Variants in TRAPPC11 observed in about 807,000 individuals in gnomAD.
The protein encoded by TRAPPC11 is foie gras homolog.
TRAPPC11 carries 104 observed loss-of-function variants against 151.2 expected under a neutral mutation model. The ratio of observed to expected loss-of-function variants is 0.69; its 90% CI spans 0.59 to 0.81. TRAPPC11 has a LOEUF of 0.81. TRAPPC11 is among the 30% of genes least tolerant of loss of function. The pLI, the probability that TRAPPC11 is intolerant of heterozygous loss-of-function variation, is 0.00. For synonymous variants in TRAPPC11, 456 were observed against 472.3 expected (o/e 0.97, Z 0.45); for missense variants, 1,230 against 1,349.6 (o/e 0.91, Z 1.39).
intron 10 of TRAPPC11, among the ~76,000 whole-genome samples, chr4:183,681,132 G>C (rs1176325233): frequency 1.3e-5 from 2 of 150,978 alleles, no homozygotes; most frequent in Non-Finnish European, 2.9e-5. Flanking sequence ...TAAGAACGTG[G>C]TATATATATA....
intron 8 of TRAPPC11, 130 bp from the exon 9 acceptor site, chr4:183,679,223 T>C: frequency 4.6e-6 from 4 of 869,254 alleles, no homozygotes; most frequent in Non-Finnish European, 4.9e-6. Flanking sequence ...ATTAATTGTA[T>C]TGCAAAGAGC....
intron 1 of TRAPPC11, among the ~76,000 whole-genome samples, chr4:183,663,455 G>T (rs917236240): frequency 6.6e-6 from 1 of 152,052 alleles, no homozygotes; most frequent in African/African-American, 2.4e-5. Flanking sequence ...GGATGGTCTC[G>T]ATCTCCTGAC....
chr4:183,670,794 GT>G (rs944050618), intron 5 of TRAPPC11, among the ~76,000 whole-genome samples: 1 of 150,002 alleles, frequency 6.7e-6, no homozygotes, highest in East Asian at 2.0e-4. Context: ...TTGGTTTTTG[GT>G]TTTTTTTTGA....
intron 1 of TRAPPC11, among the ~76,000 whole-genome samples, chr4:183,659,807 C>T (rs1734373973): frequency 6.6e-6 from 1 of 152,172 alleles, no homozygotes; most frequent in Non-Finnish European, 1.5e-5. Flanking sequence ...ACTGTCGTTC[C>T]TCTTTTGTTC....
chr4:183,701,641 C>A, intron 25 of TRAPPC11, 56 bp from the exon 26 acceptor site: 1 of 1,207,570 alleles, frequency 8.3e-7, no homozygotes, highest in Non-Finnish European at 1.2e-6. Context: ...GGATGTGAAA[C>A]TCTCCTTTTG....
chr4:183,699,796 G>C (rs949970410), intron 25 of TRAPPC11, among the ~76,000 whole-genome samples: 2 of 151,426 alleles, frequency 1.3e-5, no homozygotes, highest in African/African-American at 2.4e-5. Flanking sequence ...CCAGCAGGTA[G>C]CACTTCTTTG....
At chr4:183,692,353 ATTAT>A (rs1231318047) in intron 19 of TRAPPC11, among the ~76,000 whole-genome samples, 1 of 148,876 alleles carries the variant, frequency 6.7e-6, no homozygotes, top group African/African-American at 2.5e-5. Flanking sequence ...TGTTGCTTTT[ATTAT>A]TTGCTTATTC....
chr4:183,710,168 C>G (rs775212178), intron 29 of TRAPPC11, among the ~76,000 whole-genome samples: 42 of 152,194 alleles, frequency 2.8e-4, no homozygotes, highest in Non-Finnish European at 5.1e-4. Context: ...ATTCCTTTCT[C>G]TGGTGCTCAG....
At chr4:183,671,456 C>T (rs540946765) in intron 5 of TRAPPC11, among the ~76,000 whole-genome samples, 2 of 152,308 alleles carry the variant, frequency 1.3e-5, no homozygotes, top group Admixed American at 6.5e-5. Context: ...CCTCATCCCC[C>T]GCAGCCCCAA....
At chr4:183,691,210 A>G in intron 18 of TRAPPC11, 106 bp from the exon 19 acceptor site, 1 of 877,198 alleles carries the variant, frequency 1.1e-6, no homozygotes, top group Non-Finnish European at 1.6e-6. Flanking sequence ...GTAACCCTTC[A>G]TAATGCTTCA....
rs754082842 is a variant in TRAPPC11, at chr4:183,684,798, A to G, written c.1524A>G (p.Gln508=). 4 of 1,613,986 alleles carry G rather than the reference A, an allele frequency of 2.5e-6. No homozygotes were observed. The highest frequency in any genetic ancestry group is 3.3e-5 in the Admixed American group (2 of 60,016). The change falls in exon 15 of 30, where the codon CAA becomes CAG. Residue 508 remains glutamine, a synonymous_variant. Coordinates refer to ENST00000334690, the MANE Select transcript of TRAPPC11 (RefSeq NM_021942.6). ...TALKCSYLMA[Q]LKDYITYSLE... Reference sequence around the variant, plus strand: ...TGAAGTGCTCCTACCTCATGGCCCAATTAAAGGATTACATTACTTACTCCC... The same window carrying G: ...TGAAGTGCTCCTACCTCATGGCCCAGTTAAAGGATTACATTACTTACTCCC...
chr4:183,697,623 A>G, intron 24 of TRAPPC11, 55 bp downstream of exon 24: 1 of 1,607,552 alleles, frequency 6.2e-7, no homozygotes, highest in Non-Finnish European at 8.5e-7. Context: ...ATGGACTGAA[A>G]TGATAAAATG....
In TRAPPC11 at chr4:183,674,809, C is replaced by A. The variant is rs1192529039; in HGVS notation, c.657C>A (p.His219Gln). 6.4e-7 allele frequency: 1 copy of A among 1,567,492 alleles called. No homozygotes were observed. Among genetic ancestry groups the A allele is most frequent in the South Asian group, 1.2e-5 (1 of 84,468 alleles). ...AAGAATTTTTGAATAAAACAACACA[C>A]CAGGTGCGTGATTTTTTGCAATAAT... Reference protein sequence around the residue: ...SHKEFLNKTTHQLLFVRHQFK... With the variant: ...SHKEFLNKTTQQLLFVRHQFK... Residue 219 changes from histidine to glutamine, a missense_variant, in exon 6 of 30, where the codon CAC becomes CAA. His to Gln is a conservative substitution (Grantham distance 24). Transcript: ENST00000334690.
At chr4:183,671,212 T>A (rs1305339103) in intron 5 of TRAPPC11, among the ~76,000 whole-genome samples, 2 of 152,206 alleles carry the variant, frequency 1.3e-5, no homozygotes, top group Non-Finnish European at 2.9e-5. Context: ...AAGCAAAGAA[T>A]TTCCATGGGC....
chr4:183,688,195 C>G (rs945273760), intron 18 of TRAPPC11, among the ~76,000 whole-genome samples: 1 of 151,926 alleles, frequency 6.6e-6, no homozygotes, highest in African/African-American at 2.4e-5. Flanking sequence ...AAAGATTGCC[C>G]AAATAGGTAA....
At chr4:183,695,053 A>G (rs888688191) in intron 23 of TRAPPC11, among the ~76,000 whole-genome samples, 1 of 148,664 alleles carries the variant, frequency 6.7e-6, no homozygotes, top group Non-Finnish European at 1.5e-5. Context: ...GGTTCAAGCG[A>G]TTCTCCTGCC....
intron 21 of TRAPPC11, 72 bp from the exon 22 acceptor site, chr4:183,693,845 C>T: frequency 6.3e-7 from 1 of 1,598,274 alleles, no homozygotes; most frequent in South Asian, 1.1e-5. Flanking sequence ...GCATAGTGCT[C>T]TTCACACAGT....
At chr4:183,672,040 A>G (rs189955525) in intron 5 of TRAPPC11, among the ~76,000 whole-genome samples, 1 of 152,378 alleles carries the variant, frequency 6.6e-6, no homozygotes, top group Admixed American at 6.5e-5. Context: ...CAAGTTGATC[A>G]GGTTCCTACC....
Position 183,682,821 on chromosome 4 carries a change from A to G in TRAPPC11, c.1203A>G (p.Ile401Met), listed in dbSNP as rs1735766900. The stretch of plus-strand genomic sequence containing the variant: ...GACAAAGATCATGGCGACAAGGAAT[A>G]CTAAGTAAATAATTTTTCCCTCTGT... The part of the protein sequence containing the change: ...FYGQRSWRQG[I>M]LSFDLSDPEK... Residue 401 changes from isoleucine to methionine, a missense_variant, in exon 11 of 30, where the codon ATA (isoleucine) becomes ATG (methionine). Transcript: ENST00000334690. The G allele has an allele frequency of 6.2e-7, 1 of 1,609,148 alleles. No individual in the cohort carries two copies. The highest frequency in any genetic ancestry group is 8.5e-7 in the Non-Finnish European group (1 of 1,175,600).
Sources: allele counts gnomAD v4.1 joint callset (sites outside exome capture counted in the v4.1 genomes callset), GRCh38; gene constraint gnomAD v4.1.1; transcripts MANE v1.5; gene names NCBI Gene and HGNC (gene_info 2026-07-23, HGNC 2026-07-21).